Variants in MEGF10 observed in about 807,000 individuals in gnomAD.
MEGF10 encodes multiple EGF like domains 10, also known as multiple epidermal growth factor-like domains protein 10.
Under a neutral mutation model 147.5 loss-of-function variants are expected in MEGF10, and 86 were observed. That is an observed-to-expected ratio of 0.58 (90% CI 0.49 to 0.70). The LOEUF is 0.70. MEGF10 is among the 30% of genes least tolerant of loss of function. The pLI, the probability that MEGF10 is intolerant of heterozygous loss-of-function variation, is 0.00. For synonymous variants in MEGF10, 478 were observed against 525.5 expected, an observed-to-expected ratio of 0.91 and a Z score of 1.24; for missense variants, 1,329 against 1,487.3, an observed-to-expected ratio of 0.89 and a Z score of 1.75.
intron 5 of MEGF10, among the ~76,000 whole-genome samples, chr5:127,392,435 A>G (rs1207643915): frequency 6.6e-6 from 1 of 152,080 alleles, no homozygotes; most frequent in Non-Finnish European, 1.5e-5. Context: ...GCCTTTTCTG[A>G]TGCACCAACA....
At chr5:127,320,337 G>A (rs111691780) in intron 1 of MEGF10, among the ~76,000 whole-genome samples, 49 of 152,264 alleles carry the variant, frequency 3.2e-4, no homozygotes, top group African/African-American at 1.1e-3. Context: ...GAAATTAGAA[G>A]AGATAATTAT....
At chr5:127,370,491 G>C (rs1762808633) in intron 5 of MEGF10, among the ~76,000 whole-genome samples, 1 of 152,150 alleles carries the variant, frequency 6.6e-6, no homozygotes, top group African/African-American at 2.4e-5. Flanking sequence ...CAAATAACGA[G>C]TACTTGTTCA....
chr5:127,409,180 G>T (rs1038177035), intron 8 of MEGF10, among the ~76,000 whole-genome samples: 1 of 152,152 alleles, frequency 6.6e-6, no homozygotes, highest in Non-Finnish European at 1.5e-5. Flanking sequence ...AAAGTTTTGT[G>T]GAAACACTAT....
intron 8 of MEGF10, among the ~76,000 whole-genome samples, chr5:127,405,521 G>C (rs1346998744): frequency 6.6e-6 from 1 of 151,986 alleles, no homozygotes; most frequent in Non-Finnish European, 1.5e-5. Flanking sequence ...AGCAAACTCT[G>C]GAGTTATTTA....
At chr5:127,443,212 A>G in intron 19 of MEGF10, 86 bp downstream of exon 19, 4 of 1,344,024 alleles carry the variant, frequency 3.0e-6, no homozygotes, top group Non-Finnish European at 3.9e-6. Context: ...CACTTATGTT[A>G]TCCAGCAGAA....
the MEGF10 span, among the ~76,000 whole-genome samples, chr5:127,276,646 T>C: frequency 1.4e-3 from 215 of 152,332 alleles, 1 homozygote; most frequent in African/African-American, 4.8e-3. Context: ...AACTTTTGTT[T>C]AAAATATATT....
chr5:127,425,118 G>A (rs1207847365), intron 13 of MEGF10, among the ~76,000 whole-genome samples: 2 of 152,142 alleles, frequency 1.3e-5, no homozygotes, highest in African/African-American at 4.8e-5. Flanking sequence ...CCTGTGAAAG[G>A]CACACTCTAG....
At chr5:127,254,643 T>C in the MEGF10 span, among the ~76,000 whole-genome samples, 3 of 151,772 alleles carry the variant, frequency 2.0e-5, no homozygotes, top group African/African-American at 7.3e-5. Flanking sequence ...AAACCTCGTC[T>C]CTACTAAAAA....
rs115861022 is a variant in MEGF10, at chr5:127,329,239, T to G, written c.-18-2052T>G. ...TCTATAAGTTAATTTTGGTTAACTATTTACGCTTTATCTATTGGAATTATT... is the reference window on the plus strand; with the variant it reads ...TCTATAAGTTAATTTTGGTTAACTAGTTACGCTTTATCTATTGGAATTATT... On this transcript the variant is annotated intron_variant, in intron 1 of 24. Transcript: ENST00000503335. Among the ~76,000 whole-genome samples, 1,291 of 152,334 alleles carry G rather than the reference T, an allele frequency of 8.5e-3. 17 individuals carry two copies. Among genetic ancestry groups the G allele is most frequent in the African/African-American group, 0.029 (1,209 of 41,578 alleles).
At position 127,406,368 on chromosome 5, in the gene MEGF10, C is replaced by A. The variant is rs573534327; in HGVS notation, c.917+3686C>A. ...TTGTAACTATTGTTTTTCTGATGAG[C>A]CAGTGACATGATTCCTGTTTTCAGC... On this transcript the variant is annotated intron_variant, in intron 8 of 24. Transcript: ENST00000503335. 2.0e-5 allele frequency among the ~76,000 whole-genome samples: 3 copies of A among 152,264 alleles called. No homozygotes were observed. In the East Asian group the frequency reaches 5.8e-4, roughly 29 times the overall value.
At chr5:127,340,660 C>T (rs762454375) in intron 4 of MEGF10, 30 bp downstream of exon 4, 40 of 1,584,134 alleles carry the variant, frequency 2.5e-5, no homozygotes, top group African/African-American at 9.4e-5. Flanking sequence ...CTTTGAGATT[C>T]GCTAGTTTTT....
At chr5:127,340,690 C>A in intron 4 of MEGF10, 60 bp downstream of exon 4, 1 of 1,360,018 alleles carries the variant, frequency 7.4e-7, no homozygotes, top group Non-Finnish European at 1.1e-6. Context: ...GGTTTGCTTC[C>A]ATTAATAGCA....
intron 1 of MEGF10, among the ~76,000 whole-genome samples, chr5:127,330,889 T>A (rs1761228587): frequency 6.6e-6 from 1 of 152,158 alleles, no homozygotes; most frequent in Admixed American, 6.6e-5. Flanking sequence ...GTTTCATCAT[T>A]TATTTTCTAG....
rs955964918 is a variant in MEGF10, at chr5:127,370,488, C to T, written c.412+486C>T. Reference sequence around the variant, plus strand: ...TCTCTGAATTCTGAGATGCAAATAACGAGTACTTGTTCAGATAACTTTAGG... The same window carrying T: ...TCTCTGAATTCTGAGATGCAAATAATGAGTACTTGTTCAGATAACTTTAGG... On this transcript the variant is annotated intron_variant, in intron 5 of 24. Transcript: ENST00000503335. Among the ~76,000 whole-genome samples, 6 of 152,184 alleles carry T rather than the reference C, an allele frequency of 3.9e-5. No individual in the cohort carries two copies. The South Asian group carries it at 6.2e-4, about 16-fold the overall frequency.
chr5:127,343,074 G>A (rs1407753240), intron 4 of MEGF10, among the ~76,000 whole-genome samples: 2 of 151,998 alleles, frequency 1.3e-5, no homozygotes, highest in African/African-American at 2.4e-5. Context: ...AGGCAAGCTT[G>A]TAGATAGAGA....
At chr5:127,327,193 G>A (rs1761072442) in intron 1 of MEGF10, among the ~76,000 whole-genome samples, 1 of 152,164 alleles carries the variant, frequency 6.6e-6, no homozygotes, top group African/African-American at 2.4e-5. Context: ...ATGCTAATCA[G>A]TTGTACTGAT....
chr5:127,339,085 A>G, intron 2 of MEGF10, 35 bp from the exon 3 acceptor site: 1 of 1,393,786 alleles, frequency 7.2e-7, no homozygotes, highest in Non-Finnish European at 1.0e-6. Flanking sequence ...TAAAAAAGAG[A>G]AATACTGATT....
chr5:127,239,989 T>C, the MEGF10 span, among the ~76,000 whole-genome samples: 1 of 152,162 alleles, frequency 6.6e-6, no homozygotes, highest in Admixed American at 6.5e-5. Context: ...GCCAAGGTGA[T>C]GTTTTTTAAA....
chr5:127,437,999 TACC>T (rs1242310761), intron 16 of MEGF10, among the ~76,000 whole-genome samples: 1 of 152,210 alleles, frequency 6.6e-6, no homozygotes, highest in Non-Finnish European at 1.5e-5. Flanking sequence ...TCATAATACC[TACC>T]ACCATTGATT....
Sources: allele counts gnomAD v4.1 joint callset (sites outside exome capture counted in the v4.1 genomes callset), GRCh38; gene constraint gnomAD v4.1.1; transcripts MANE v1.5; gene names NCBI Gene and HGNC (gene_info 2026-07-23, HGNC 2026-07-21).